Variants in VPS13D observed in about 807,000 individuals in gnomAD.
The protein encoded by VPS13D is intermembrane lipid transfer protein VPS13D.
In VPS13D, 187 loss-of-function variants were observed where a neutral mutation model predicts 461.9. The ratio of observed to expected loss-of-function variants is 0.40; its 90% CI spans 0.36 to 0.46. The LOEUF is 0.46. Ranked by LOEUF, VPS13D falls within the 20% of genes least tolerant of loss-of-function variation. VPS13D has a pLI of 0.60. For missense variants in VPS13D, 4,711 were observed against 5,364.9 expected (o/e 0.88, Z 3.81); for synonymous variants, 1,951 against 1,986.3 (o/e 0.98, Z 0.47).
chr1:12,390,025 C>T lies in VPS13D; in HGVS notation c.11634+3691C>T, dbSNP rs563809173. ...CCTCTTGACCTAAAGTTAGGCGGAG[C>T]CCAAAGTGTCCAGGTGGTAATCTTA... On this transcript the variant is annotated intron_variant, in intron 60 of 69. Coordinates refer to ENST00000620676, the MANE Select transcript of VPS13D (RefSeq NM_015378.4). Among the ~76,000 whole-genome samples the T allele has an allele frequency of 2.0e-5, 3 of 152,352 alleles. No homozygotes were observed. In the East Asian group the frequency reaches 5.8e-4, roughly 29 times the overall value.
intron 65 of VPS13D, among the ~76,000 whole-genome samples, chr1:12,422,326 C>T (rs545234521): frequency 1.3e-5 from 2 of 152,252 alleles, no homozygotes; most frequent in South Asian, 4.2e-4. Context: ...TTGTTTGCTA[C>T]ATGTTAATTT....
At chr1:12,418,802 GGA>G (rs779019144) in intron 65 of VPS13D, among the ~76,000 whole-genome samples, 25 of 152,304 alleles carry the variant, frequency 1.6e-4, no homozygotes, top group Non-Finnish European at 3.4e-4. Flanking sequence ...CTACAGAGAA[GGA>G]GGGTCTGGGA....
chr1:12,324,440 G>A (rs745371140), intron 35 of VPS13D, among the ~76,000 whole-genome samples: 1 of 152,114 alleles, frequency 6.6e-6, no homozygotes, highest in Non-Finnish European at 1.5e-5. Flanking sequence ...GGAGGCGGAG[G>A]TTGCAGTGAG....
At chr1:12,432,291 G>C (rs1645001742) in intron 65 of VPS13D, among the ~76,000 whole-genome samples, 1 of 151,998 alleles carries the variant, frequency 6.6e-6, no homozygotes, top group South Asian at 2.1e-4. Context: ...TACTTGGAAG[G>C]CTGAGGCAGG....
intron 22 of VPS13D, among the ~76,000 whole-genome samples, chr1:12,289,694 C>G (rs2101415548): frequency 6.6e-6 from 1 of 151,720 alleles, no homozygotes; most frequent in East Asian, 2.0e-4. Flanking sequence ...TGGCTCACGC[C>G]TGTAATCCTA....
intron 64 of VPS13D, 123 bp from the exon 65 acceptor site, chr1:12,416,537 C>T (rs879501916): frequency 9.6e-6 from 10 of 1,037,290 alleles, no homozygotes; most frequent in Non-Finnish European, 1.2e-5. Flanking sequence ...CTTTTAATCT[C>T]GTTACTTGTA....
At chr1:12,443,590 C>A (rs929962806) in intron 65 of VPS13D, among the ~76,000 whole-genome samples, 1 of 152,068 alleles carries the variant, frequency 6.6e-6, no homozygotes, top group African/African-American at 2.4e-5. Flanking sequence ...AGTTGACCTC[C>A]ATTTGCCTTT....
chr1:12,312,051 CTTTTGGTTG>C, intron 29 of VPS13D, 126 bp downstream of exon 29: 1 of 627,134 alleles, frequency 1.6e-6, no homozygotes. Flanking sequence ...TGCAGAGTGT[CTTTTGGTTG>C]ATCTACACAG....
chr1:12,359,224 A>T (rs1643916198), intron 50 of VPS13D, among the ~76,000 whole-genome samples: 1 of 152,244 alleles, frequency 6.6e-6, no homozygotes, highest in Non-Finnish European at 1.5e-5. Context: ...AGATTCTCTA[A>T]AGGGTTAAGA....
At chr1:12,250,798 G>A (rs1212991523) in intron 6 of VPS13D, among the ~76,000 whole-genome samples, 1 of 152,270 alleles carries the variant, frequency 6.6e-6, no homozygotes, top group African/African-American at 2.4e-5. Flanking sequence ...ACTGGCCGGT[G>A]GCCGAGTCTG....
chr1:12,234,722 A>G (rs1640092943), intron 2 of VPS13D, among the ~76,000 whole-genome samples: 1 of 152,234 alleles, frequency 6.6e-6, no homozygotes, highest in Non-Finnish European at 1.5e-5. Context: ...CTTATTAGCT[A>G]TGTGAACAAT....
At chr1:12,262,322 A>G (rs1374287584) in intron 13 of VPS13D, among the ~76,000 whole-genome samples, 7 of 152,246 alleles carry the variant, frequency 4.6e-5, no homozygotes, top group Non-Finnish European at 1.0e-4. Context: ...GTATTTAAAG[A>G]CATTTAATAT....
chr1:12,290,476 A>AT (rs1010928664), intron 22 of VPS13D, among the ~76,000 whole-genome samples: 2 of 152,090 alleles, frequency 1.3e-5, no homozygotes, highest in African/African-American at 4.8e-5. Flanking sequence ...TAATCCTAGC[A>AT]TTTTGGGAGG....
chr1:12,343,161 T>TTTATC (rs1191871853), intron 42 of VPS13D, 110 bp downstream of exon 42: 15 of 906,216 alleles, frequency 1.7e-5, no homozygotes, highest in Admixed American at 3.6e-5. Flanking sequence ...TTTATTTTAT[T>TTTATC]TTATCTTATC....
chr1:12,465,679 C>T (rs768489244), intron 67 of VPS13D, among the ~76,000 whole-genome samples: 2 of 152,172 alleles, frequency 1.3e-5, no homozygotes, highest in Non-Finnish European at 1.5e-5. Context: ...AGACACTTCT[C>T]GTGAATGACC....
Position 12,363,173 on chromosome 1 carries a change from G to A in VPS13D, c.10374G>A (p.Leu3458=). ...ATGATCAGCTATTGTGTGTCAGACT[G>A]ATGGACGTTCCCAATTGTATTTGGT... ...NDYDQLLCVR[L]MDVPNCIWSG... is the part of the protein sequence containing the mutation. Residue 3458 remains leucine (L), a synonymous_variant, in exon 52 of 70, where the codon CTG becomes CTA. Coordinates refer to ENST00000620676, the MANE Select transcript of VPS13D (RefSeq NM_015378.4). 6 of 1,614,222 alleles carry A rather than the reference G, an allele frequency of 3.7e-6. No homozygotes were observed. The highest frequency in any genetic ancestry group is 5.1e-6 in the Non-Finnish European group (6 of 1,180,042).
chr1:12,489,333 G>A (rs555829917), intron 67 of VPS13D, among the ~76,000 whole-genome samples: 2 of 152,322 alleles, frequency 1.3e-5, no homozygotes, highest in African/African-American at 4.8e-5. Flanking sequence ...CAAGTCAGGT[G>A]TGAATCCCAC....
intron 57 of VPS13D, among the ~76,000 whole-genome samples, chr1:12,381,964 TTCTTTCTTTCTTTCTTTC>T (rs1282389631): frequency 3.1e-4 from 44 of 142,426 alleles, no homozygotes; most frequent in Middle Eastern, 3.6e-3. Context: ...CTTTCTTTCT[TTCTTTCTTTCTTTCTTTC>T]TCTCTCTCTC....
At chr1:12,306,276 C>T (rs1642562934) in intron 26 of VPS13D, among the ~76,000 whole-genome samples, 1 of 152,210 alleles carries the variant, frequency 6.6e-6, no homozygotes, top group Admixed American at 6.5e-5. Context: ...ATTGGGTAAC[C>T]TGACCTGCCC....
Sources: gnomAD v4.1 joint callset for allele counts (sites outside exome capture counted in the v4.1 genomes callset) on GRCh38, gnomAD v4.1.1 for gene constraint, MANE v1.5 for transcripts, NCBI Gene and HGNC (gene_info 2026-07-23, HGNC 2026-07-21) for gene names.